Variants in STXBP6 observed in about 807,000 individuals in gnomAD.
STXBP6 encodes syntaxin binding protein 6.
A neutral mutation model predicts 26.9 loss-of-function variants in STXBP6; 21 were observed. That is an observed-to-expected ratio of 0.78 (90% CI 0.55 to 1.12). The LOEUF (loss-of-function observed/expected upper bound fraction) is 1.12. Ranked by LOEUF, STXBP6 falls within the 50% of genes most tolerant of loss-of-function variation. The pLI is 0.00. For synonymous variants in STXBP6, 97 were observed against 92.6 expected, an observed-to-expected ratio of 1.05 and a Z score of -0.27; for missense variants, 232 against 257.9, an observed-to-expected ratio of 0.90 and a Z score of 0.69.
chr14:24,828,031 C>CT (rs34177461), intron 4 of STXBP6, among the ~76,000 whole-genome samples: 12,732 of 145,322 alleles, frequency 0.088, 664 homozygotes, highest in African/African-American at 0.15. Context: ...AGCAGTAGCA[C>CT]TTTTTTTTTT....
chr14:24,872,885 C>A (rs182316481), intron 2 of STXBP6, among the ~76,000 whole-genome samples: 1 of 152,310 alleles, frequency 6.6e-6, no homozygotes, highest in East Asian at 1.9e-4. Flanking sequence ...TTGCCTTTCC[C>A]AAAATGTTTT....
intron 1 of STXBP6, among the ~76,000 whole-genome samples, chr14:24,980,271 G>A (rs113605226): frequency 2.1e-4 from 32 of 152,162 alleles, no homozygotes; most frequent in Non-Finnish European, 3.7e-4. Context: ...GAGATAATAT[G>A]AGGCCAATTT....
rs564508439 is a variant in STXBP6, at chr14:24,975,967, C to T, written c.-32-1117G>A. ...GCACAGAGAGGGCCCATGGGTTGGA[C>T]ATGCAGAGTATCAGAGATCCCGCAT... On this transcript the variant is annotated intron_variant, in intron 1 of 5. Coordinates refer to ENST00000323944, the MANE Select transcript of STXBP6 (RefSeq NM_001394410.1). 1.4e-4 allele frequency among the ~76,000 whole-genome samples: 21 copies of T among 152,300 alleles called. No individual in the cohort carries two copies. In the South Asian group the frequency reaches 4.1e-3, roughly 30 times the overall value.
At chr14:24,980,327 A>T (rs1470658616) in intron 1 of STXBP6, among the ~76,000 whole-genome samples, 1 of 152,208 alleles carries the variant, frequency 6.6e-6, no homozygotes, top group Non-Finnish European at 1.5e-5. Flanking sequence ...TTTTTAACAA[A>T]ATGTTTACTT....
At chr14:24,990,419 A>G (rs77798758) in intron 1 of STXBP6, among the ~76,000 whole-genome samples, 26,442 of 152,038 alleles carry the variant, frequency 0.17, 2,431 homozygotes, top group Middle Eastern at 0.27. Flanking sequence ...AGCACTTAGG[A>G]AGGCCGAGGT....
intron 2 of STXBP6, among the ~76,000 whole-genome samples, chr14:24,908,582 T>A (rs1386060164): frequency 5.3e-5 from 8 of 152,224 alleles, no homozygotes; most frequent in Admixed American, 5.2e-4. Flanking sequence ...GACCTTTCTT[T>A]GGTTCCTCAA....
chr14:24,818,067 G>A, intron 5 of STXBP6: 2 of 456,680 alleles, frequency 4.4e-6, no homozygotes, highest in Non-Finnish European at 8.8e-6. Context: ...AGCAGAAGTG[G>A]TGTTTCTGTT....
At chr14:25,029,788 C>T (rs1243995563) in intron 1 of STXBP6, among the ~76,000 whole-genome samples, 2 of 152,096 alleles carry the variant, frequency 1.3e-5, no homozygotes, top group Middle Eastern at 3.2e-3. Flanking sequence ...AATGTATAAT[C>T]CCATTTGCAA....
chr14:25,035,319 C>A (rs1385009119), intron 1 of STXBP6, among the ~76,000 whole-genome samples: 1 of 152,172 alleles, frequency 6.6e-6, no homozygotes, highest in Non-Finnish European at 1.5e-5. Flanking sequence ...ATTAGCTACA[C>A]CCACTCAAAA....
chr14:24,971,813 GT>G (rs1465198597), intron 2 of STXBP6, among the ~76,000 whole-genome samples: 1 of 152,044 alleles, frequency 6.6e-6, no homozygotes, highest in African/African-American at 2.4e-5. Flanking sequence ...TTATAACTAT[GT>G]TTATTTTAGT....
chr14:24,850,000 C>T (rs1194557191), intron 4 of STXBP6, among the ~76,000 whole-genome samples: 1 of 151,942 alleles, frequency 6.6e-6, no homozygotes, highest in Admixed American at 6.6e-5. Context: ...TATTCATTGA[C>T]AGAGTTAAAA....
chr14:24,904,020 T>G (rs974057914), intron 2 of STXBP6, among the ~76,000 whole-genome samples: 5 of 152,146 alleles, frequency 3.3e-5, no homozygotes, highest in African/African-American at 1.2e-4. Context: ...TTTGGTATAG[T>G]CCCTTTGGAG....
chr14:24,895,167 T>G (rs896375641), intron 2 of STXBP6, among the ~76,000 whole-genome samples: 1 of 152,212 alleles, frequency 6.6e-6, no homozygotes, highest in Non-Finnish European at 1.5e-5. Context: ...TTGGCCAAAA[T>G]AGTGGTATTT....
At chr14:24,848,183 G>T (rs1360125055) in intron 4 of STXBP6, among the ~76,000 whole-genome samples, 1 of 152,090 alleles carries the variant, frequency 6.6e-6, no homozygotes, top group Non-Finnish European at 1.5e-5. Context: ...GCATGTACTG[G>T]CATTTTTCAA....
Position 25,039,723 on chromosome 14 carries a change from T to C in STXBP6, c.-33+10155A>G, listed in dbSNP as rs547350774. 4.5e-3 allele frequency among the ~76,000 whole-genome samples: 691 copies of C among 151,972 alleles called. 3 individuals carry two copies. The highest frequency in any genetic ancestry group is 0.015 in the African/African-American group (619 of 41,420). ...AATCTGCATCCTTTTTTTTTTTTTT[T>C]TGAGACGGAGTCTCGCTCTGTTGCC... On this transcript the variant is annotated intron_variant, in intron 1 of 5. Transcript: ENST00000323944.
chr14:24,912,006 T>C (rs1048607024), intron 2 of STXBP6, among the ~76,000 whole-genome samples: 3 of 152,180 alleles, frequency 2.0e-5, no homozygotes, highest in African/African-American at 7.2e-5. Flanking sequence ...TTTGAGTCTT[T>C]TCCATTTAAA....
At chr14:24,828,439 GATT>G (rs1195546554) in intron 4 of STXBP6, among the ~76,000 whole-genome samples, 2 of 152,232 alleles carry the variant, frequency 1.3e-5, no homozygotes, top group African/African-American at 2.4e-5. Context: ...AAACAAAATT[GATT>G]ATAATTGGAT....
At chr14:24,958,672 C>G (rs2073421685) in intron 2 of STXBP6, among the ~76,000 whole-genome samples, 2 of 151,996 alleles carry the variant, frequency 1.3e-5, no homozygotes, top group Non-Finnish European at 2.9e-5. Flanking sequence ...TCCTAAGTGC[C>G]CTTGGTTAGT....
intron 1 of STXBP6, among the ~76,000 whole-genome samples, chr14:25,012,399 T>C (rs1414041651): frequency 4.6e-5 from 7 of 151,920 alleles, no homozygotes; most frequent in Admixed American, 1.3e-4. Flanking sequence ...GAGGCCGAGG[T>C]GGGGGTACTC....
Sources: gnomAD v4.1 joint callset for allele counts (sites outside exome capture counted in the v4.1 genomes callset) on GRCh38, gnomAD v4.1.1 for gene constraint, MANE v1.5 for transcripts, NCBI Gene and HGNC (gene_info 2026-07-23, HGNC 2026-07-21) for gene names.